PCYT1B: variants seen among roughly 807,000 people sequenced by gnomAD.
The protein encoded by PCYT1B is phosphate cytidylyltransferase 1B, choline, also known as choline-phosphate cytidylyltransferase B.
PCYT1B carries 10 observed loss-of-function variants against 26.4 expected under a neutral mutation model. The observed-to-expected ratio is 0.38, with a 90% confidence interval of 0.23 to 0.64. The LOEUF (loss-of-function observed/expected upper bound fraction) is 0.64, where lower values mean the gene tolerates loss of function less well. PCYT1B is among the 30% of genes least tolerant of loss of function. PCYT1B has a pLI of 0.56. For missense variants in PCYT1B, 161 were observed against 292.7 expected (o/e 0.55, Z 3.28); for synonymous variants, 131 against 108.4 (o/e 1.21, Z -1.29).
At chrX:24,613,689 A>C (rs1925380588) in intron 2 of PCYT1B, among the ~76,000 whole-genome samples, 1 of 110,868 alleles carries the variant, frequency 9.0e-6, no homozygotes, top group Non-Finnish European at 1.9e-5. Flanking sequence ...ACAGTGGCTC[A>C]TGCCTGTAAT....
chrX:24,664,624 G>C (rs1927089654), intron 1 of PCYT1B, among the ~76,000 whole-genome samples: 1 of 112,155 alleles, frequency 8.9e-6, no homozygotes, highest in East Asian at 2.8e-4. Context: ...AGGGGATTCA[G>C]ACACTGCTCC....
chrX:24,573,133 T>TAC (rs768268080), intron 7 of PCYT1B, among the ~76,000 whole-genome samples: 1,312 of 93,206 alleles, frequency 0.014, 29 homozygotes, highest in African/African-American at 0.049. Context: ...TACACACACA[T>TAC]ACACACACAC....
chrX:24,616,832 A>G (rs893296953), intron 2 of PCYT1B, among the ~76,000 whole-genome samples: 9 of 111,959 alleles, frequency 8.0e-5, no homozygotes, highest in Admixed American at 7.6e-4. Context: ...CTCACACGAA[A>G]GCTTCCTAAC....
At position 24,558,245 on chromosome X, in the gene PCYT1B, A is replaced by G. The variant is rs1416695999; in HGVS notation, c.*4048T>C. The G allele has an allele frequency of 8.9e-6, 1 of 112,217 alleles. No individual in the cohort carries two copies. Among genetic ancestry groups the G allele is most frequent in the Non-Finnish European group, 1.9e-5 (1 of 53,235 alleles). The allele number at this position is 112,217 out of a possible 1,213,427, so 9.2% of individuals were successfully genotyped here. ...TCAGCACCAGAGTAAATGCTTGGGC[A>G]TAAGGTCGTGCTTTAACCCAGACAG... On this transcript the variant is annotated 3_prime_UTR_variant, in exon 8 of 8. Coordinates refer to ENST00000379144, the MANE Select transcript of PCYT1B (RefSeq NM_004845.5).
At chrX:24,645,949 C>G (rs1341572647) in intron 1 of PCYT1B, among the ~76,000 whole-genome samples, 1 of 111,958 alleles carries the variant, frequency 8.9e-6, no homozygotes, top group East Asian at 2.8e-4. Flanking sequence ...TGCAGGTTCA[C>G]AGAAAATGCT....
chrX:24,591,215 A>C (rs1185570200), intron 3 of PCYT1B, among the ~76,000 whole-genome samples: 1 of 111,305 alleles, frequency 9.0e-6, no homozygotes, highest in African/African-American at 3.3e-5. Context: ...AAACAAACTG[A>C]ACAATAAATA....
chrX:24,643,185 C>T (rs1302744666), intron 1 of PCYT1B, among the ~76,000 whole-genome samples: 1 of 111,171 alleles, frequency 9.0e-6, no homozygotes, highest in Admixed American at 9.7e-5. Context: ...TCTGGGACAC[C>T]TGCTGAGCCC....
At chrX:24,608,461 C>T (rs771954143) in intron 2 of PCYT1B, among the ~76,000 whole-genome samples, 3 of 111,927 alleles carry the variant, frequency 2.7e-5, no homozygotes, top group African/African-American at 9.7e-5. Context: ...TAGCATACCA[C>T]TGCAAGGCCA....
chrX:24,586,158 G>GGTGA (rs1161304344), intron 5 of PCYT1B, among the ~76,000 whole-genome samples: 1 of 112,245 alleles, frequency 8.9e-6, no homozygotes, highest in Admixed American at 9.5e-5. Context: ...CTCTCTCAAG[G>GGTGA]GTGAGGTCTA....
At chrX:24,568,530 C>T (rs922892548) in intron 7 of PCYT1B, among the ~76,000 whole-genome samples, 2 of 111,056 alleles carry the variant, frequency 1.8e-5, no homozygotes, top group Middle Eastern at 4.2e-3. Context: ...CTAGCCTGGG[C>T]AACAAAGGAA....
At chrX:24,593,376 TTC>T (rs768489805) in intron 3 of PCYT1B, among the ~76,000 whole-genome samples, 24 of 108,223 alleles carry the variant, frequency 2.2e-4, no homozygotes, top group Middle Eastern at 4.8e-3. Context: ...GTTTCTTTCT[TTC>T]TCTCTCTCTC....
Position 24,584,211 on chromosome X carries a change from C to G in PCYT1B, c.565+3030G>C, listed in dbSNP as rs186161725. 9.0e-5 allele frequency among the ~76,000 whole-genome samples: 10 copies of G among 111,216 alleles called. No homozygotes were observed. The East Asian group carries it at 2.5e-3, about 28-fold the overall frequency. On this transcript the variant is annotated intron_variant, in intron 5 of 7. Transcript: ENST00000379144. ...GGGCATGGTGGTGTGTGCCTGTAGT[C>G]CCAGCTACTTGAGAGGCTGAGGTGG...
At chrX:24,629,675 A>C (rs1444835640) in intron 1 of PCYT1B, among the ~76,000 whole-genome samples, 3 of 107,340 alleles carry the variant, frequency 2.8e-5, no homozygotes, top group Non-Finnish European at 5.7e-5. Context: ...GAATGCTCAC[A>C]TCTAGGTCAG....
rs1923282784 is a variant in PCYT1B, at chrX:24,559,229, A to C, written c.*3064T>G. ...CTACTTGGGAGGCTGAGGCAGAAGA[A>C]CCCCTTGAACCTGGGAGGTGGAGGC... On this transcript the variant is annotated 3_prime_UTR_variant, in exon 8 of 8. Transcript: ENST00000379144. The C allele has an allele frequency of 3.7e-5, 4 of 106,811 alleles. No individual in the cohort carries two copies. Among genetic ancestry groups the C allele is most frequent in the African/African-American group, 1.4e-4 (4 of 29,079 alleles). The allele number at this position is 106,811 out of a possible 1,213,427, so 8.8% of individuals were successfully genotyped here.
chrX:24,661,462 G>C (rs1360376731), intron 1 of PCYT1B, among the ~76,000 whole-genome samples: 3 of 111,989 alleles, frequency 2.7e-5, no homozygotes, highest in Non-Finnish European at 5.6e-5. Flanking sequence ...CAGAAAGACA[G>C]GCAATACCAA....
intron 1 of PCYT1B, among the ~76,000 whole-genome samples, chrX:24,621,121 C>T (rs943120510): frequency 8.9e-6 from 1 of 111,895 alleles, no homozygotes; most frequent in Non-Finnish European, 1.9e-5. Context: ...GATTGGCTGG[C>T]GTTCGGTCAG....
At chrX:24,624,112 G>A (rs750791655) in intron 1 of PCYT1B, among the ~76,000 whole-genome samples, 3 of 109,029 alleles carry the variant, frequency 2.8e-5, no homozygotes, top group African/African-American at 6.7e-5. Context: ...TGGGACTACA[G>A]GAGCCCGCCA....
intron 3 of PCYT1B, among the ~76,000 whole-genome samples, chrX:24,598,741 G>T (rs1200906018): frequency 9.0e-6 from 1 of 111,224 alleles, no homozygotes; most frequent in Non-Finnish European, 1.9e-5. Flanking sequence ...ATTTATTTTT[G>T]AGTGTTTTTT....
At chrX:24,568,860 C>T (rs181951328) in intron 7 of PCYT1B, among the ~76,000 whole-genome samples, 321 of 111,522 alleles carry the variant, frequency 2.9e-3, no homozygotes, top group Non-Finnish European at 4.7e-3. Flanking sequence ...TATGGGAGGC[C>T]GAGGTGGGTG....
Sources: gnomAD v4.1 joint callset for allele counts (sites outside exome capture counted in the v4.1 genomes callset) on GRCh38, gnomAD v4.1.1 for gene constraint, MANE v1.5 for transcripts, NCBI Gene and HGNC (gene_info 2026-07-23, HGNC 2026-07-21) for gene names.